SLC12A6: variants seen among roughly 807,000 people sequenced by gnomAD.
SLC12A6 encodes the protein solute carrier family 12 member 6, also known as K-Cl cotransporter 3.
A neutral mutation model predicts 135.3 loss-of-function variants in SLC12A6; 66 were observed. That is an observed-to-expected ratio of 0.49 (90% CI 0.40 to 0.60). The LOEUF (loss-of-function observed/expected upper bound fraction) is 0.60, where lower values mean the gene tolerates loss of function less well. Among genes scored for constraint, SLC12A6 ranks in the 20% least tolerant of loss-of-function variants. The pLI, the probability that SLC12A6 is intolerant of heterozygous loss-of-function variation, is 0.00. For missense variants in SLC12A6, 1,058 were observed against 1,452.3 expected (o/e 0.73, Z 4.41); for synonymous variants, 513 against 508.8 (o/e 1.01, Z -0.11).
intron 2 of SLC12A6, among the ~76,000 whole-genome samples, chr15:34,297,984 C>T (rs1895987032): frequency 2.6e-5 from 4 of 152,114 alleles, no homozygotes. Context: ...ATCTCTAAGG[C>T]TAACTGTCTA....
Position 34,250,885 on chromosome 15 carries a change from G to T in SLC12A6, c.1492+14C>A. ...CTGACAGCTTCTAAAATATACAACA[G>T]CCTATGTGTTTACCTGTAACAGAGG... On this transcript the variant is annotated intron_variant, in intron 11 of 25. Coordinates refer to ENST00000354181, the MANE Select transcript of SLC12A6 (RefSeq NM_001365088.1). 1.2e-6 allele frequency: 2 copies of T among 1,600,912 alleles called. No individual in the cohort carries two copies. The highest frequency in any genetic ancestry group is 1.7e-6 in the Non-Finnish European group (2 of 1,167,996).
chr15:34,260,269 GA>G (rs1566820355), intron 4 of SLC12A6, among the ~76,000 whole-genome samples: 1 of 152,174 alleles, frequency 6.6e-6, no homozygotes, highest in African/African-American at 2.4e-5. Context: ...TTCCTACAGT[GA>G]TTTTTGGAGA....
intron 25 of SLC12A6, among the ~76,000 whole-genome samples, chr15:34,234,516 C>A (rs756688972): frequency 1.3e-5 from 2 of 152,114 alleles, no homozygotes; most frequent in African/African-American, 2.4e-5. Flanking sequence ...GGATTACAGG[C>A]ACCTGCTACC....
intron 9 of SLC12A6, among the ~76,000 whole-genome samples, chr15:34,253,992 C>G (rs1440665927): frequency 6.6e-6 from 1 of 152,060 alleles, no homozygotes; most frequent in Non-Finnish European, 1.5e-5. Flanking sequence ...CAAGGTGGGC[C>G]TTATAAAGGT....
chr15:34,236,478 G>A (rs967795008), intron 23 of SLC12A6, among the ~76,000 whole-genome samples: 46 of 152,126 alleles, frequency 3.0e-4, no homozygotes, highest in African/African-American at 1.1e-3. Flanking sequence ...CTGAGTAGCT[G>A]GGATTACAGG....
chr15:34,280,885 T>C (rs1209245043), intron 2 of SLC12A6, among the ~76,000 whole-genome samples: 1 of 152,080 alleles, frequency 6.6e-6, no homozygotes, highest in Admixed American at 6.6e-5. Flanking sequence ...CATAGCAACG[T>C]AGATGGAACT....
intron 23 of SLC12A6, 143 bp downstream of exon 23, chr15:34,236,565 A>G: frequency 1.5e-6 from 1 of 685,548 alleles, no homozygotes. Flanking sequence ...GCTGGTCTTG[A>G]ACTCCTGACC....
At chr15:34,243,092 C>A (rs1017986493) in intron 16 of SLC12A6, among the ~76,000 whole-genome samples, 1 of 151,874 alleles carries the variant, frequency 6.6e-6, no homozygotes, top group African/African-American at 2.4e-5. Flanking sequence ...GGGGTTTCCC[C>A]ATGTTGGTCA....
chr15:34,235,547 G>T (rs1891202503), intron 24 of SLC12A6, among the ~76,000 whole-genome samples: 1 of 148,036 alleles, frequency 6.8e-6, no homozygotes, highest in Non-Finnish European at 1.5e-5. Context: ...TGATTCTCCT[G>T]CCTCAGCCTC....
At chr15:34,278,821 A>G (rs938239393) in intron 2 of SLC12A6, among the ~76,000 whole-genome samples, 1 of 151,928 alleles carries the variant, frequency 6.6e-6, no homozygotes, top group African/African-American at 2.4e-5. Context: ...CACCTGCCTC[A>G]GCCTCCCAAA....
At chr15:34,292,022 C>T (rs952877898) in intron 2 of SLC12A6, among the ~76,000 whole-genome samples, 3 of 152,068 alleles carry the variant, frequency 2.0e-5, no homozygotes, top group African/African-American at 4.8e-5. Context: ...AGTTTTGTTC[C>T]CTTGCTGGTG....
intron 2 of SLC12A6, among the ~76,000 whole-genome samples, chr15:34,319,213 G>T (rs1380116406): frequency 6.7e-6 from 1 of 148,414 alleles, no homozygotes. Context: ...TCAGCTCACT[G>T]CAACCTCCGC....
chr15:34,240,056 C>G (rs376193779), intron 19 of SLC12A6, among the ~76,000 whole-genome samples: 4 of 152,014 alleles, frequency 2.6e-5, no homozygotes, highest in African/African-American at 9.6e-5. Flanking sequence ...CCCATTAACT[C>G]GTCATTTACA....
intron 21 of SLC12A6, 101 bp from the exon 22 acceptor site, chr15:34,237,651 T>C (rs577141652): frequency 1.2e-4 from 115 of 968,898 alleles, no homozygotes; most frequent in Non-Finnish European, 1.7e-4. Context: ...CCTTGCTATA[T>C]GTAGTATAAG....
chr15:34,237,405 C>T lies in SLC12A6; in HGVS notation c.2934+14G>A, dbSNP rs751993486. On this transcript the variant is annotated intron_variant, in intron 22 of 25. Transcript: ENST00000354181. The stretch of plus-strand genomic sequence containing the variant: ...GGGAATGAACCTCTTGTATCTCAAA[C>T]TCAGCTTTCTCACCATCTCCACCAC... 2 of 1,605,644 alleles carry T rather than the reference C, an allele frequency of 1.2e-6. No homozygotes were observed. The highest frequency in any genetic ancestry group is 1.7e-6 in the Non-Finnish European group (2 of 1,174,582).
chr15:34,304,141 T>G (rs1026136740), intron 2 of SLC12A6, among the ~76,000 whole-genome samples: 6 of 152,222 alleles, frequency 3.9e-5, no homozygotes, highest in Non-Finnish European at 8.8e-5. Flanking sequence ...TTACCTATTC[T>G]GGACATTTCC....
chr15:34,251,699 T>C (rs1337494292), intron 10 of SLC12A6, among the ~76,000 whole-genome samples: 1 of 152,218 alleles, frequency 6.6e-6, no homozygotes, highest in Admixed American at 6.5e-5. Flanking sequence ...TTGTCATCAG[T>C]GCTGTTTCTA....
At position 34,336,526 on chromosome 15, in the gene SLC12A6, G is replaced by A. The variant is rs773724229; in HGVS notation, c.155C>T (p.Pro52Leu). 1 of 1,613,998 alleles carries A rather than the reference G, an allele frequency of 6.2e-7. No homozygotes were observed. The highest frequency in any genetic ancestry group is 8.5e-7 in the Non-Finnish European group (1 of 1,179,942). Residue 52 changes from proline to leucine, a missense_variant, in exon 2 of 26, where the codon CCT becomes CTT. Physicochemically the swap from Pro to Leu is moderately conservative, Grantham distance 98 (BLOSUM62 -3). Around this residue, in one of 6 missense-constraint regions of SLC12A6, gnomAD observed 176 missense variants for 168.9 expected, o/e 1.04. Transcript: ENST00000354181. Reference sequence around the variant, plus strand: ...CATAGGCTCACTCCGGCTTGTTTCAGGCACGCTTTCCCGGGAGCTAAATCT... The same window carrying A: ...CATAGGCTCACTCCGGCTTGTTTCAAGCACGCTTTCCCGGGAGCTAAATCT... ...RVRFSSRESV[P>L]ETSRSEPMSE...
chr15:34,242,307 G>A (rs564767917), intron 16 of SLC12A6, 86 bp from the exon 17 acceptor site: 2 of 949,616 alleles, frequency 2.1e-6, no homozygotes, highest in African/African-American at 1.7e-5. Flanking sequence ...TATCTGTGGT[G>A]AGGTATTATT....
Sources: allele counts gnomAD v4.1 joint callset (sites outside exome capture counted in the v4.1 genomes callset), GRCh38; gene constraint gnomAD v4.1.1; regional missense constraint gnomAD v4.1.1; transcripts MANE v1.5; gene names NCBI Gene and HGNC (gene_info 2026-07-23, HGNC 2026-07-21).